The following APBB1IP variants were observed in gnomAD, a reference collection of about 807,000 sequenced individuals.
APBB1IP encodes amyloid beta A4 precursor protein-binding family B member 1-interacting protein.
In APBB1IP, 27 loss-of-function variants were observed where a neutral mutation model predicts 64.9. The ratio of observed to expected loss-of-function variants is 0.42; its 90% confidence interval spans 0.31 to 0.57. The LOEUF (loss-of-function observed/expected upper bound fraction) is 0.57, where lower values mean the gene tolerates loss of function less well. Among genes scored for constraint, APBB1IP ranks in the 20% least tolerant of loss-of-function variants. The probability of loss-of-function intolerance (pLI) is 0.20; values close to 1 mark genes in which losing one functional copy is unlikely to be tolerated. For synonymous variants in APBB1IP, 392 were observed against 331.0 expected (o/e 1.18, Z -2.00); for missense variants, 812 against 845.5 (o/e 0.96, Z 0.49).
intron 4 of APBB1IP, among the ~76,000 whole-genome samples, chr10:26,500,325 A>G (rs767083310): frequency 5.3e-5 from 8 of 152,298 alleles, no homozygotes; most frequent in Middle Eastern, 3.4e-3. Flanking sequence ...CTTCACCCCA[A>G]AGTCACAGGC....
intron 2 of APBB1IP, among the ~76,000 whole-genome samples, chr10:26,467,642 G>T (rs1419269326): frequency 1.3e-5 from 2 of 152,170 alleles, no homozygotes; most frequent in Non-Finnish European, 2.9e-5. Flanking sequence ...ACTGCTGTGA[G>T]CTACGATCAT....
chr10:26,476,144 C>T (rs1013693943), intron 2 of APBB1IP, among the ~76,000 whole-genome samples: 13 of 151,696 alleles, frequency 8.6e-5, no homozygotes, highest in African/African-American at 2.2e-4. Flanking sequence ...GGGCAACCTC[C>T]GCCTCCCGGG....
chr10:26,541,304 T>A (rs1350470924), intron 10 of APBB1IP, among the ~76,000 whole-genome samples: 1 of 152,224 alleles, frequency 6.6e-6, no homozygotes, highest in Admixed American at 6.5e-5. Flanking sequence ...ACATTTATCA[T>A]TTCTTTGTGT....
intron 11 of APBB1IP, among the ~76,000 whole-genome samples, chr10:26,556,152 G>A (rs992691249): frequency 3.9e-5 from 6 of 152,104 alleles, no homozygotes; most frequent in African/African-American, 9.7e-5. Flanking sequence ...CTTTATGATC[G>A]GGAACAATCA....
At chr10:26,534,479 C>G (rs778742388) in intron 9 of APBB1IP, among the ~76,000 whole-genome samples, 1 of 152,082 alleles carries the variant, frequency 6.6e-6, no homozygotes, top group Non-Finnish European at 1.5e-5. Flanking sequence ...TTGGACCTCC[C>G]TTGAAAAATC....
chr10:26,446,205 A>G (rs1013523958), intron 2 of APBB1IP, among the ~76,000 whole-genome samples: 4 of 152,240 alleles, frequency 2.6e-5, no homozygotes, highest in African/African-American at 9.6e-5. Context: ...CTGTTTTTAT[A>G]GCATTAACAA....
At chr10:26,505,623 G>A (rs1435646993) in intron 6 of APBB1IP, among the ~76,000 whole-genome samples, 1 of 152,014 alleles carries the variant, frequency 6.6e-6, no homozygotes, top group African/African-American at 2.4e-5. Flanking sequence ...GGGATTACAA[G>A]CATGAGCCAC....
Position 26,461,670 on chromosome 10 carries a change from C to T in APBB1IP, c.-1+22817C>T, listed in dbSNP as rs556558211. On this transcript the variant is annotated intron_variant, in intron 2 of 14. Transcript: ENST00000376236. ...TTCATATTCTTTTAGGAAGAGTTAC[C>T]ATTTTAATATGGTAAAGATGTCTCT... 7.2e-5 allele frequency among the ~76,000 whole-genome samples: 11 copies of T among 151,978 alleles called. No individual in the cohort carries two copies. The South Asian group carries it at 2.1e-3, about 29-fold the overall frequency.
At chr10:26,518,515 A>G (rs1254145344) in intron 8 of APBB1IP, among the ~76,000 whole-genome samples, 1 of 152,194 alleles carries the variant, frequency 6.6e-6, no homozygotes, top group Admixed American at 6.5e-5. Context: ...CACAGATTCT[A>G]TGACTTAGCC....
rs569495908 is a variant in APBB1IP at position 26,472,045 on chromosome 10, TC to T, written c.1-20280del. Among the ~76,000 whole-genome samples the T allele has an allele frequency of 5.8e-4, 88 of 152,264 alleles. No individual in the cohort carries two copies. The East Asian group carries it at 0.014, about 23-fold the overall frequency. ...CTGGGATTTTTACTAACAGCTCTAA[TC>T]CTCTGGGGTTTTCAGTGACAGATGC... On this transcript the variant is annotated intron_variant, in intron 2 of 14. Transcript: ENST00000376236.
intron 2 of APBB1IP, among the ~76,000 whole-genome samples, chr10:26,451,327 A>C (rs12770943): frequency 0.3 from 45,728 of 151,950 alleles, 7,534 homozygotes; most frequent in Non-Finnish European, 0.38. Context: ...GGGCTCGGGT[A>C]ATCCTCTCGC....
chr10:26,539,698 A>C (rs1836673865), intron 10 of APBB1IP, among the ~76,000 whole-genome samples: 1 of 152,166 alleles, frequency 6.6e-6, no homozygotes, highest in Non-Finnish European at 1.5e-5. Flanking sequence ...GTGAGAGAGT[A>C]CATTTGCAAC....
intron 8 of APBB1IP, among the ~76,000 whole-genome samples, chr10:26,520,821 G>A (rs967779816): frequency 5.9e-5 from 9 of 152,160 alleles, no homozygotes; most frequent in Non-Finnish European, 7.3e-5. Context: ...CAAATCCAGC[G>A]TGAAAACCAC....
chr10:26,488,102 T>C (rs1835913301), intron 2 of APBB1IP, among the ~76,000 whole-genome samples: 1 of 152,218 alleles, frequency 6.6e-6, no homozygotes, highest in Admixed American at 6.5e-5. Flanking sequence ...TATTGTTTTT[T>C]CCATTAATTT....
intron 8 of APBB1IP, among the ~76,000 whole-genome samples, chr10:26,532,342 T>G (rs996054355): frequency 1.3e-5 from 2 of 152,180 alleles, no homozygotes; most frequent in African/African-American, 4.8e-5. Flanking sequence ...AGTCCTTGAG[T>G]GCTCGTGATT....
chr10:26,463,885 C>A (rs2132408603), intron 2 of APBB1IP, among the ~76,000 whole-genome samples: 1 of 152,300 alleles, frequency 6.6e-6, no homozygotes, highest in East Asian at 1.9e-4. Context: ...CTAATGTTCC[C>A]CGCCACTTGC....
rs73594364 is a variant in APBB1IP at position 26,494,550 on chromosome 10, G to T, written c.73-1754G>T. On this transcript the variant is annotated intron_variant, in intron 3 of 14. Transcript: ENST00000376236. Reference sequence around the variant, plus strand: ...GGAAAAAATAAACCAATTCTAGACCGGGCACAGTGGCTCACACCTGTAATG... The same window carrying T: ...GGAAAAAATAAACCAATTCTAGACCTGGCACAGTGGCTCACACCTGTAATG... 5.3e-5 allele frequency among the ~76,000 whole-genome samples: 8 copies of T among 152,246 alleles called. No homozygotes were observed. The East Asian group carries it at 1.5e-3, about 29-fold the overall frequency.
intron 2 of APBB1IP, among the ~76,000 whole-genome samples, chr10:26,470,592 C>CTAG: frequency 6.6e-6 from 1 of 152,122 alleles, no homozygotes; most frequent in East Asian, 1.9e-4. Flanking sequence ...CAACTATAGG[C>CTAG]TAGTGTAAGT....
intron 14 of APBB1IP, among the ~76,000 whole-genome samples, chr10:26,565,438 A>C (rs1837029236): frequency 6.6e-6 from 1 of 152,192 alleles, no homozygotes; most frequent in African/African-American, 2.4e-5. Context: ...TGGTTTATAG[A>C]CTGAGCCAAC....
Sources: allele counts gnomAD v4.1 joint callset (sites outside exome capture counted in the v4.1 genomes callset), GRCh38; gene constraint gnomAD v4.1.1; transcripts MANE v1.5; gene names NCBI Gene and HGNC (gene_info 2026-07-23, HGNC 2026-07-21).